The following PCDH15 variants were observed in gnomAD, a reference collection of about 807,000 sequenced individuals.
The protein encoded by PCDH15 is protocadherin related 15.
In PCDH15, 129 loss-of-function variants were observed where a neutral mutation model predicts 178.5. The ratio of observed to expected loss-of-function variants is 0.72; its 90% CI spans 0.63 to 0.84. The LOEUF (loss-of-function observed/expected upper bound fraction) is 0.84. Among genes scored for constraint, PCDH15 ranks in the 40% least tolerant of loss-of-function variants. The probability of loss-of-function intolerance (pLI) is 0.00; values close to 1 mark genes in which losing one functional copy is unlikely to be tolerated. For missense variants in PCDH15, 2,230 were observed against 2,099.9 expected, an observed-to-expected ratio of 1.06 and a Z score of -1.21; for synonymous variants, 800 against 732.0, an observed-to-expected ratio of 1.09 and a Z score of -1.50.
chr10:54,152,526 A>G (rs774110012), intron 14 of PCDH15, among the ~76,000 whole-genome samples: 213 of 152,124 alleles, frequency 1.4e-3, no homozygotes, highest in Non-Finnish European at 1.8e-3. Flanking sequence ...TGTGAATGGA[A>G]AAAAACCCCA....
intron 2 of PCDH15, among the ~76,000 whole-genome samples, chr10:55,153,528 A>G (rs1365002308): frequency 1.3e-5 from 2 of 152,182 alleles, no homozygotes; most frequent in Non-Finnish European, 2.9e-5. Flanking sequence ...TAGAGAGTAT[A>G]GCAGAAGCTA....
chr10:53,888,311 T>TATGTACATATATATACATATATATAC lies in PCDH15; in HGVS notation c.3501+14931_3501+14932insGTATATATATGTATATATATGTACAT, dbSNP rs1554845241. Among the ~76,000 whole-genome samples, 72 of 41,802 alleles carry TATGTACATATATATACATATATATAC rather than the reference T, an allele frequency of 1.7e-3. 3 individuals carry two copies. The highest frequency in any genetic ancestry group is 6.2e-3 in the African/African-American group (63 of 10,152). The allele number at this position is 41,802 out of a possible 152,430, so 27.4% of individuals were successfully genotyped here. Reference sequence around the variant, plus strand: ...ATATACATATATATATATATATATGTATATATGTACGTATATATATGTACG... The same window carrying TATGTACATATATATACATATATATAC: ...ATATACATATATATATATATATATGTATGTACATATATATACATATATATACATATATGTACGTATATATATGTACG... On this transcript the variant is annotated intron_variant, in intron 26 of 37. Coordinates refer to ENST00000644397, the MANE Select transcript of PCDH15 (RefSeq NM_001384140.1).
At chr10:53,933,666 T>C (rs2134003074) in intron 25 of PCDH15, among the ~76,000 whole-genome samples, 1 of 152,390 alleles carries the variant, frequency 6.6e-6, no homozygotes, top group African/African-American at 2.4e-5. Context: ...CAGCATGATT[T>C]ATAATCCTTT....
At chr10:54,105,374 A>T (rs2094900066) in intron 15 of PCDH15, among the ~76,000 whole-genome samples, 2 of 150,128 alleles carry the variant, frequency 1.3e-5, no homozygotes, top group Non-Finnish European at 3.0e-5. Flanking sequence ...AACTAATAGG[A>T]TATATTTAGG....
chr10:54,501,924 G>A (rs1237787067), intron 3 of PCDH15, among the ~76,000 whole-genome samples: 1 of 151,960 alleles, frequency 6.6e-6, no homozygotes, highest in Non-Finnish European at 1.5e-5. Context: ...ATATCCATCT[G>A]TAATTATAAA....
chr10:54,421,929 CTA>C (rs71007853), intron 3 of PCDH15, among the ~76,000 whole-genome samples: 2,452 of 105,696 alleles, frequency 0.023, 218 homozygotes, highest in African/African-American at 0.094. Context: ...TATATATACA[CTA>C]TATATATATA....
At chr10:54,167,306 C>A (rs2046334068) in intron 13 of PCDH15, among the ~76,000 whole-genome samples, 1 of 152,142 alleles carries the variant, frequency 6.6e-6, no homozygotes, top group Non-Finnish European at 1.5e-5. Flanking sequence ...TCTTCTCCAA[C>A]CTCTCTCACT....
intron 1 of PCDH15, among the ~76,000 whole-genome samples, chr10:54,727,205 C>A (rs1942678439): frequency 6.8e-6 from 1 of 147,054 alleles, no homozygotes; most frequent in African/African-American, 2.6e-5. Flanking sequence ...TGAAGCAATT[C>A]TCAACAAATT....
At chr10:54,980,298 T>C (rs1455493451) in intron 2 of PCDH15, among the ~76,000 whole-genome samples, 1 of 152,164 alleles carries the variant, frequency 6.6e-6, no homozygotes, top group Admixed American at 6.6e-5. Flanking sequence ...TTTACACATA[T>C]CTATATTTAA....
At chr10:54,888,063 A>C (rs1367799171) in intron 3 of PCDH15, among the ~76,000 whole-genome samples, 2 of 152,112 alleles carry the variant, frequency 1.3e-5, no homozygotes, top group Non-Finnish European at 1.5e-5. Flanking sequence ...TATATTTCAC[A>C]CATGTAAAGC....
rs539638183 is a variant in PCDH15 at position 55,399,928 on chromosome 10, T to C, written c.-156+227697A>G. ...AGCCCCACATATTATTATTTTGGCA[T>C]TTTGAGTTTCTGATCCTTCCTTAAT... On this transcript the variant is annotated intron_variant, in intron 2 of 5. Coordinates refer to the PCDH15 transcript ENST00000613346. Among the ~76,000 whole-genome samples, 456 of 152,252 alleles carry C rather than the reference T, an allele frequency of 3.0e-3. 1 individual carries two copies. Among genetic ancestry groups the C allele is most frequent in the Non-Finnish European group, 4.9e-3 (331 of 68,018 alleles).
At chr10:54,527,342 C>T (rs2083453795) in intron 3 of PCDH15, among the ~76,000 whole-genome samples, 1 of 152,116 alleles carries the variant, frequency 6.6e-6, no homozygotes, top group Non-Finnish European at 1.5e-5. Flanking sequence ...CATGTTCCCG[C>T]TTTCTAAGCA....
intron 17 of PCDH15, among the ~76,000 whole-genome samples, chr10:54,077,620 T>C (rs554461038): frequency 1.2e-4 from 18 of 152,324 alleles, no homozygotes; most frequent in African/African-American, 4.3e-4. Flanking sequence ...GCTAAATAAT[T>C]TCTCCTTCTC....
At chr10:54,700,851 A>T (rs2095300581) in intron 1 of PCDH15, among the ~76,000 whole-genome samples, 1 of 152,024 alleles carries the variant, frequency 6.6e-6, no homozygotes, top group Non-Finnish European at 1.5e-5. Context: ...TAAATTCAGA[A>T]AATACAGAGA....
At chr10:54,376,603 G>A (rs1337441505) in intron 4 of PCDH15, among the ~76,000 whole-genome samples, 1 of 150,810 alleles carries the variant, frequency 6.6e-6, no homozygotes, top group Non-Finnish European at 1.5e-5. Context: ...GCATACAGAA[G>A]AAAAAATATC....
At chr10:54,760,066 T>C (rs928833442) in intron 1 of PCDH15, among the ~76,000 whole-genome samples, 4 of 152,202 alleles carry the variant, frequency 2.6e-5, no homozygotes, top group African/African-American at 9.7e-5. Context: ...TTACATTTAC[T>C]AAGAAAATGC....
intron 2 of PCDH15, among the ~76,000 whole-genome samples, chr10:54,537,265 C>T (rs2084679829): frequency 6.6e-6 from 1 of 152,070 alleles, no homozygotes; most frequent in South Asian, 2.1e-4. Context: ...TCCCAAAATG[C>T]TGGGATTACA....
At chr10:54,812,539 ACTTCCG>A (rs1952880370) in intron 3 of PCDH15, among the ~76,000 whole-genome samples, 1 of 152,010 alleles carries the variant, frequency 6.6e-6, no homozygotes, top group Admixed American at 6.6e-5. Flanking sequence ...GCTCACTGCA[ACTTCCG>A]CCTCCCCGGT....
chr10:54,704,410 C>T (rs1377713289), intron 1 of PCDH15, among the ~76,000 whole-genome samples: 1 of 151,914 alleles, frequency 6.6e-6, no homozygotes, highest in Non-Finnish European at 1.5e-5. Flanking sequence ...GCAAATTGTG[C>T]CTCTGACAAA....
Sources: gnomAD v4.1 joint callset for allele counts (sites outside exome capture counted in the v4.1 genomes callset) on GRCh38, gnomAD v4.1.1 for gene constraint, MANE v1.5 for transcripts, NCBI Gene and HGNC (gene_info 2026-07-23, HGNC 2026-07-21) for gene names.